Variants in XPR1 observed in about 807,000 individuals in gnomAD.
The protein encoded by XPR1 is solute carrier family 53 member 1.
A neutral mutation model predicts 87.5 loss-of-function variants in XPR1; 28 were observed. That is an observed-to-expected ratio of 0.32 (90% CI 0.24 to 0.44). The LOEUF is 0.44. XPR1 is among the 20% of genes least tolerant of loss of function. The pLI is 1.00. For missense variants in XPR1, 559 were observed against 862.3 expected (o/e 0.65, Z 4.41); for synonymous variants, 300 against 306.1 (o/e 0.98, Z 0.21).
At chr1:180,638,804 C>G (rs1227655524) in intron 1 of XPR1, among the ~76,000 whole-genome samples, 4 of 152,064 alleles carry the variant, frequency 2.6e-5, no homozygotes, top group African/African-American at 9.7e-5. Context: ...ATTTGTATTA[C>G]TTTTGTATAA....
intron 3 of XPR1, among the ~76,000 whole-genome samples, chr1:180,802,989 T>C (rs1649850125): frequency 6.6e-6 from 1 of 152,226 alleles, no homozygotes; most frequent in South Asian, 2.1e-4. Flanking sequence ...AAATGCAAGT[T>C]AGTATATGTA....
chr1:180,718,856 A>T (rs10914078), intron 2 of XPR1, among the ~76,000 whole-genome samples: 47,697 of 151,620 alleles, frequency 0.31, 8,225 homozygotes, highest in Non-Finnish European at 0.38. Context: ...TTTAGTAGAG[A>T]CGAGGTTTCA....
intron 1 of XPR1, among the ~76,000 whole-genome samples, chr1:180,661,778 G>A (rs746000711): frequency 1.2e-4 from 18 of 152,054 alleles, no homozygotes; most frequent in Non-Finnish European, 1.9e-4. Context: ...AGGAGGCTGC[G>A]GCAGGAGAAT....
At chr1:180,722,999 T>G (rs202192435) in intron 2 of XPR1, among the ~76,000 whole-genome samples, 1 of 152,226 alleles carries the variant, frequency 6.6e-6, no homozygotes, top group East Asian at 1.9e-4. Flanking sequence ...CACTATATAT[T>G]AGGAATTTTT....
chr1:180,667,732 C>T (rs1656011079), intron 1 of XPR1, among the ~76,000 whole-genome samples: 1 of 152,072 alleles, frequency 6.6e-6, no homozygotes, highest in Non-Finnish European at 1.5e-5. Context: ...CAGGGCTTTT[C>T]TTTGTTGGAA....
At chr1:180,721,761 G>T (rs1391904432) in intron 2 of XPR1, among the ~76,000 whole-genome samples, 1 of 152,114 alleles carries the variant, frequency 6.6e-6, no homozygotes. Context: ...AGTCATTGAG[G>T]ATAAAGATTT....
chr1:180,745,136 T>G (rs1247192780), intron 2 of XPR1, among the ~76,000 whole-genome samples: 1 of 152,112 alleles, frequency 6.6e-6, no homozygotes, highest in African/African-American at 2.4e-5. Flanking sequence ...ATTTTCAGAG[T>G]CTGTGGTGTG....
At chr1:180,738,163 C>A (rs1160009838) in intron 2 of XPR1, among the ~76,000 whole-genome samples, 1 of 152,098 alleles carries the variant, frequency 6.6e-6, no homozygotes, top group Admixed American at 6.5e-5. Context: ...AGGTATGCGC[C>A]ACCACGCCCA....
At chr1:180,825,949 C>T (rs1331324192) in intron 9 of XPR1, among the ~76,000 whole-genome samples, 2 of 152,118 alleles carry the variant, frequency 1.3e-5, no homozygotes, top group Non-Finnish European at 2.9e-5. Flanking sequence ...ACTAGGGAGG[C>T]TGAGGCAGGA....
rs934331798 is a variant in XPR1, at chr1:180,719,086, G to A, written c.121+36675G>A. On this transcript the variant is annotated intron_variant, in intron 2 of 14. Transcript: ENST00000367590. Reference sequence around the variant, plus strand: ...ATAATTCTGACCATTCAATGGTAACGCTTTGTTTTCCTGGAACAGATTTTG... The same window carrying A: ...ATAATTCTGACCATTCAATGGTAACACTTTGTTTTCCTGGAACAGATTTTG... Among the ~76,000 whole-genome samples the A allele has an allele frequency of 1.7e-4, 26 of 152,122 alleles. 1 individual carries two copies. Among genetic ancestry groups the A allele is most frequent in the African/African-American group, 5.1e-4 (21 of 41,426 alleles).
In XPR1 at chr1:180,806,487, A is replaced by G. The variant is rs147145847; in HGVS notation, c.611A>G (p.Asn204Ser). The G allele has an allele frequency of 3.7e-6, 6 of 1,613,370 alleles. No homozygotes were observed. Among genetic ancestry groups the G allele is most frequent in the East Asian group, 4.5e-5 (2 of 44,870 alleles). ...LISETEAVVT[N>S]ELEDGDRQKA... ...TTGTCTTTCTAGGCTGTAGTGACCA[A>G]TGAACTTGAAGATGGTGACAGACAA... Residue 204 changes from asparagine to serine, a missense_variant, in exon 6 of 15, where the codon AAT becomes AGT. This residue lies in a region of XPR1 where 159 missense variants were observed against 263.3 expected (regional missense o/e 0.60). Coordinates refer to ENST00000367590, the MANE Select transcript of XPR1 (RefSeq NM_004736.4).
chr1:180,800,109 G>A (rs956260305), intron 3 of XPR1, among the ~76,000 whole-genome samples: 3 of 152,180 alleles, frequency 2.0e-5, no homozygotes, highest in Non-Finnish European at 4.4e-5. Context: ...AGAATCACTA[G>A]AGAGTCTACC....
intron 1 of XPR1, among the ~76,000 whole-genome samples, chr1:180,636,467 CTTTAAG>C (rs1654762282): frequency 6.6e-6 from 1 of 152,174 alleles, no homozygotes; most frequent in Admixed American, 6.5e-5. Context: ...TCTTTATCAT[CTTTAAG>C]TGTGTCAGCG....
intron 2 of XPR1, among the ~76,000 whole-genome samples, chr1:180,689,576 A>G (rs1656911401): frequency 6.6e-6 from 1 of 152,212 alleles, no homozygotes; most frequent in Non-Finnish European, 1.5e-5. Context: ...AATAAGGGGA[A>G]AATGAAGACA....
chr1:180,702,145 C>G (rs1200507410), intron 2 of XPR1, among the ~76,000 whole-genome samples: 3 of 76,946 alleles, frequency 3.9e-5, no homozygotes, highest in Admixed American at 3.2e-4. Flanking sequence ...TGTCTTTGTT[C>G]TCGTTGGTTT....
rs555397780 is a variant in XPR1, at chr1:180,826,674, T to C, written c.1134+1330T>C. Among the ~76,000 whole-genome samples the C allele has an allele frequency of 3.9e-5, 6 of 152,334 alleles. No homozygotes were observed. The South Asian group carries it at 8.3e-4, about 21-fold the overall frequency. ...TAGTGATTAAATTGACCAATCTCTA[T>C]AAAAACTTTCAGAATTGCTCTATTT... On this transcript the variant is annotated intron_variant, in intron 9 of 14. Transcript: ENST00000367590.
At chr1:180,729,132 G>A (rs1013540579) in intron 2 of XPR1, among the ~76,000 whole-genome samples, 6 of 152,118 alleles carry the variant, frequency 3.9e-5, no homozygotes, top group Non-Finnish European at 7.4e-5. Context: ...TAGGATAATG[G>A]CCTCTAGCTC....
chr1:180,846,694 G>A (rs959736725), intron 11 of XPR1, among the ~76,000 whole-genome samples: 4 of 152,050 alleles, frequency 2.6e-5, no homozygotes, highest in African/African-American at 9.7e-5. Context: ...TGACCTGCCT[G>A]CCTCGGGCTC....
rs551860476 is a variant in XPR1, at chr1:180,712,958, A to G, written c.121+30547A>G. The stretch of plus-strand genomic sequence containing the variant: ...GCTTTGTTCTTTTTTTTTTTTTTTC[A>G]AAGTAGTTTTGTCTATTCTAGGTCC... On this transcript the variant is annotated intron_variant, in intron 2 of 14. Coordinates refer to ENST00000367590, the MANE Select transcript of XPR1 (RefSeq NM_004736.4). Among the ~76,000 whole-genome samples, 34 of 117,446 alleles carry G rather than the reference A, an allele frequency of 2.9e-4. 1 individual carries two copies. The South Asian group carries it at 8.8e-3, about 30-fold the overall frequency. 77.0% of individuals were successfully genotyped at this position (117,446 alleles called of 152,430 possible). A position where few individuals can be genotyped will look rare whatever the true frequency, so the allele number is the denominator to read the frequency against.
Sources: allele counts gnomAD v4.1 joint callset (sites outside exome capture counted in the v4.1 genomes callset), GRCh38; gene constraint gnomAD v4.1.1; regional missense constraint gnomAD v4.1.1; transcripts MANE v1.5; gene names NCBI Gene and HGNC (gene_info 2026-07-23, HGNC 2026-07-21).